Variants in NFIA observed in about 807,000 individuals in gnomAD.
NFIA encodes nuclear factor 1 A-type.
NFIA carries 8 observed loss-of-function variants against 62.8 expected under a neutral mutation model. That is an observed-to-expected ratio of 0.13 (90% CI 0.07 to 0.23). The LOEUF (loss-of-function observed/expected upper bound fraction) is 0.23, where lower values mean the gene tolerates loss of function less well. NFIA is among the 10% of genes least tolerant of loss of function. The probability of loss-of-function intolerance (pLI) is 1.00; values close to 1 mark genes in which losing one functional copy is unlikely to be tolerated. For synonymous variants in NFIA, 235 were observed against 238.1 expected, an observed-to-expected ratio of 0.99 and a Z score of 0.12; for missense variants, 410 against 642.1, an observed-to-expected ratio of 0.64 and a Z score of 3.91.
chr1:61,194,390 A>C (rs973030780), intron 2 of NFIA, among the ~76,000 whole-genome samples: 27 of 152,110 alleles, frequency 1.8e-4, no homozygotes. Flanking sequence ...GAACAGAGTC[A>C]CTTCTTTTTC....
At chr1:61,397,382 A>G (rs780297950) in intron 7 of NFIA, among the ~76,000 whole-genome samples, 2 of 152,080 alleles carry the variant, frequency 1.3e-5, no homozygotes, top group Non-Finnish European at 2.9e-5. Flanking sequence ...AGTATATACT[A>G]TTTTATCAAT....
At chr1:61,123,311 A>C (rs1646917720) in intron 2 of NFIA, among the ~76,000 whole-genome samples, 1 of 151,542 alleles carries the variant, frequency 6.6e-6, no homozygotes, top group South Asian at 2.1e-4. Context: ...AATAGTGCAG[A>C]GGGTACAGAG....
chr1:61,220,916 A>G (rs1327233244), intron 2 of NFIA, among the ~76,000 whole-genome samples: 1 of 152,208 alleles, frequency 6.6e-6, no homozygotes, highest in South Asian at 2.1e-4. Flanking sequence ...ATAAATCCAC[A>G]TGTTAAATAT....
chr1:61,450,653 GA>G (rs1557449164), intron 10 of NFIA, among the ~76,000 whole-genome samples: 1 of 152,172 alleles, frequency 6.6e-6, no homozygotes, highest in Non-Finnish European at 1.5e-5. Context: ...CTTGCCTGCA[GA>G]AGAAAGCCAA....
At chr1:61,200,418 AAAAG>A (rs1652393876) in intron 2 of NFIA, among the ~76,000 whole-genome samples, 1 of 152,158 alleles carries the variant, frequency 6.6e-6, no homozygotes, top group Admixed American at 6.5e-5. Context: ...CACAGAAAAA[AAAAG>A]AAATTAAGGA....
chr1:61,441,327 G>C (rs542725628), intron 10 of NFIA, among the ~76,000 whole-genome samples: 3,872 of 141,570 alleles, frequency 0.027, 133 homozygotes, highest in African/African-American at 0.087. Flanking sequence ...GTGTGTGTGT[G>C]TGTGTGTCTG....
intron 9 of NFIA, among the ~76,000 whole-genome samples, chr1:61,410,388 A>AC (rs1666043326): frequency 6.6e-6 from 1 of 152,206 alleles, no homozygotes; most frequent in South Asian, 2.1e-4. Context: ...CTTAGAAATT[A>AC]AACACACAGG....
intron 3 of NFIA, among the ~76,000 whole-genome samples, chr1:61,321,072 C>T (rs770117872): frequency 2.6e-5 from 4 of 151,778 alleles, no homozygotes; most frequent in Admixed American, 6.6e-5. Flanking sequence ...AATTCAAAAC[C>T]GGGTTAATTA....
At chr1:61,322,823 C>CA (rs749647742) in intron 3 of NFIA, among the ~76,000 whole-genome samples, 9 of 152,116 alleles carry the variant, frequency 5.9e-5, no homozygotes, top group Non-Finnish European at 1.2e-4. Flanking sequence ...CATAAGTCCC[C>CA]AAGAGTAAGG....
chr1:61,359,476 C>G (rs914958643), intron 6 of NFIA, among the ~76,000 whole-genome samples: 8 of 152,206 alleles, frequency 5.3e-5, no homozygotes, highest in Non-Finnish European at 8.8e-5. Context: ...AACTGAAATG[C>G]AAGACTGGTG....
chr1:61,189,139 T>C (rs906668096), intron 2 of NFIA, among the ~76,000 whole-genome samples: 1 of 152,172 alleles, frequency 6.6e-6, no homozygotes, highest in African/African-American at 2.4e-5. Context: ...CATGGTCTTC[T>C]GTGGCCCAGA....
chr1:61,176,899 T>C (rs868782124), intron 2 of NFIA, among the ~76,000 whole-genome samples: 1 of 151,998 alleles, frequency 6.6e-6, no homozygotes, highest in African/African-American at 2.4e-5. Flanking sequence ...GGTCAGGAGA[T>C]CGAGACCATC....
intron 10 of NFIA, among the ~76,000 whole-genome samples, chr1:61,451,565 C>T (rs1409710138): frequency 6.6e-6 from 1 of 152,162 alleles, no homozygotes; most frequent in African/African-American, 2.4e-5. Flanking sequence ...TCCCCACTCC[C>T]GCTCAGCACA....
At chr1:61,386,559 C>T (rs575113357) in intron 7 of NFIA, among the ~76,000 whole-genome samples, 17 of 152,230 alleles carry the variant, frequency 1.1e-4, no homozygotes, top group Non-Finnish European at 2.4e-4. Flanking sequence ...AATAACTGTC[C>T]AACACACATC....
At chr1:61,329,752 C>T (rs368373622) in intron 3 of NFIA, among the ~76,000 whole-genome samples, 1 of 152,152 alleles carries the variant, frequency 6.6e-6, no homozygotes, top group Non-Finnish European at 1.5e-5. Flanking sequence ...TGATGCATGG[C>T]ACATAGTAGG....
At chr1:61,097,012 C>CTGTT (rs1557562352) in intron 2 of NFIA, among the ~76,000 whole-genome samples, 2 of 152,002 alleles carry the variant, frequency 1.3e-5, no homozygotes, top group Non-Finnish European at 2.9e-5. Flanking sequence ...AAATAAGCAG[C>CTGTT]TGAACTGAAC....
At chr1:61,195,223 T>C (rs940313933) in intron 2 of NFIA, among the ~76,000 whole-genome samples, 3 of 152,210 alleles carry the variant, frequency 2.0e-5, no homozygotes, top group Non-Finnish European at 4.4e-5. Flanking sequence ...TTTTATGGAA[T>C]GTTAATTTTG....
chr1:61,150,353 T>C (rs917459605), intron 2 of NFIA, among the ~76,000 whole-genome samples: 15 of 152,128 alleles, frequency 9.9e-5, no homozygotes, highest in African/African-American at 3.6e-4. Flanking sequence ...ATGATGTGGG[T>C]GGCCCCAGTA....
chr1:61,082,576 C>T lies in NFIA; in HGVS notation c.-216C>T. ...AACTCTAGGCGGGGTTAAAGTTCAG[C>T]TCATGGAGCGGCAATAGCGCTGGCT... On this transcript the variant is annotated 5_prime_UTR_variant, in exon 1 of 11. Transcript: ENST00000403491. 6.8e-7 allele frequency: 1 copy of T among 1,472,858 alleles called. No individual in the cohort carries two copies. The highest frequency in any genetic ancestry group is 1.4e-5 in the South Asian group (1 of 72,522). The allele number at this position is 1,472,858 out of a possible 1,614,324, so 91.2% of individuals were successfully genotyped here.
Sources: gnomAD v4.1 joint callset for allele counts (sites outside exome capture counted in the v4.1 genomes callset) on GRCh38, gnomAD v4.1.1 for gene constraint, MANE v1.5 for transcripts, NCBI Gene and HGNC (gene_info 2026-07-23, HGNC 2026-07-21) for gene names.